The following SLC1A7 variants were observed in gnomAD, a reference collection of about 807,000 sequenced individuals.
SLC1A7 encodes the protein solute carrier family 1 member 7.
In SLC1A7, 40 loss-of-function variants were observed where a neutral mutation model predicts 47.7. That is an observed-to-expected ratio of 0.84 (90% confidence interval 0.65 to 1.09). SLC1A7 has a LOEUF of 1.09. SLC1A7 is among the 50% of genes least tolerant of loss of function. The pLI, the probability that SLC1A7 is intolerant of heterozygous loss-of-function variation, is 0.00. For synonymous variants in SLC1A7, 323 were observed against 325.6 expected (o/e 0.99, Z 0.09); for missense variants, 746 against 769.5 (o/e 0.97, Z 0.36).
chr1:53,141,977 T>A (rs1645062327), intron 1 of SLC1A7, among the ~76,000 whole-genome samples: 1 of 151,972 alleles, frequency 6.6e-6, no homozygotes. Context: ...CTTTAGGAGG[T>A]GTTCTCTGGT....
At chr1:53,136,656 A>C (rs1645002296) in intron 1 of SLC1A7, among the ~76,000 whole-genome samples, 1 of 49,756 alleles carries the variant, frequency 2.0e-5, no homozygotes. Context: ...TATATATTAT[A>C]TATATATATA....
At chr1:53,105,891 G>C (rs1644635542) in intron 3 of SLC1A7, 117 bp from the exon 4 acceptor site, 5 of 785,384 alleles carry the variant, frequency 6.4e-6, no homozygotes, top group Non-Finnish European at 8.9e-6. Flanking sequence ...CCTCAGGCCA[G>C]CCTCCTCTGC....
chr1:53,099,072 TCACA>T (rs1017108305), intron 5 of SLC1A7, among the ~76,000 whole-genome samples: 2 of 150,486 alleles, frequency 1.3e-5, no homozygotes, highest in East Asian at 2.0e-4. Flanking sequence ...CTCTGTACAC[TCACA>T]CACCCCGCCT....
chr1:53,137,890 G>T (rs1645017518), intron 1 of SLC1A7, among the ~76,000 whole-genome samples: 1 of 152,112 alleles, frequency 6.6e-6, no homozygotes, highest in East Asian at 1.9e-4. Context: ...TTGTCATTCT[G>T]GGACTTGTCC....
At chr1:53,096,563 C>T (rs1644493918) in intron 5 of SLC1A7, among the ~76,000 whole-genome samples, 1 of 150,154 alleles carries the variant, frequency 6.7e-6, no homozygotes, top group Admixed American at 6.6e-5. Flanking sequence ...CCTCAGTACA[C>T]TCACACACTC....
At chr1:53,112,562 G>A (rs1355940410) in intron 3 of SLC1A7, among the ~76,000 whole-genome samples, 4 of 152,244 alleles carry the variant, frequency 2.6e-5, no homozygotes. Context: ...CCACGGGGGA[G>A]GAAAGGAATG....
At chr1:53,129,728 C>T (rs968545197) in intron 2 of SLC1A7, among the ~76,000 whole-genome samples, 1 of 141,476 alleles carries the variant, frequency 7.1e-6, no homozygotes, top group Non-Finnish European at 1.6e-5. Context: ...TCAGCCCTCA[C>T]GTCCACCCTT....
chr1:53,128,240 C>T (rs1033313549), intron 2 of SLC1A7, among the ~76,000 whole-genome samples: 8 of 152,106 alleles, frequency 5.3e-5, no homozygotes, highest in Non-Finnish European at 1.2e-4. Context: ...TTTGAGAGGC[C>T]AAGGCAGGAG....
In SLC1A7 at chr1:53,103,579, A is replaced by T; in HGVS notation, c.475-11T>A. On this transcript the variant is annotated splice_polypyrimidine_tract_variant and intron_variant, in intron 4 of 10. Transcript: ENST00000371494. ...GGTCTTGGTGCGGTACTGGTGGGTG[A>T]CACCCCACCCAGAGAGAAGTCAGGG... 6.5e-7 allele frequency: 1 copy of T among 1,529,342 alleles called. No homozygotes were observed. The highest frequency in any genetic ancestry group is 8.9e-7 in the Non-Finnish European group (1 of 1,128,032). The allele number at this position is 1,529,342 out of a possible 1,614,324, so 94.7% of individuals were successfully genotyped here.
chr1:53,106,428 C>G (rs966895276), intron 3 of SLC1A7, among the ~76,000 whole-genome samples: 3 of 151,502 alleles, frequency 2.0e-5, no homozygotes, highest in Non-Finnish European at 4.4e-5. Flanking sequence ...CACGGTGAAA[C>G]CCCGTCTCTA....
At chr1:53,136,537 CAT>C (rs71044457) in intron 1 of SLC1A7, among the ~76,000 whole-genome samples, 9,829 of 104,018 alleles carry the variant, frequency 0.094, 763 homozygotes, top group Admixed American at 0.11. Context: ...TTTATATAAA[CAT>C]ATATATAATA....
intron 5 of SLC1A7, among the ~76,000 whole-genome samples, chr1:53,097,965 C>T (rs534767452): frequency 2.9e-4 from 44 of 149,358 alleles, no homozygotes; most frequent in Non-Finnish European, 5.8e-4. Flanking sequence ...CCTCGGTACA[C>T]TCACACACCA....
chr1:53,088,984 T>C lies in SLC1A7; in HGVS notation c.1362-5A>G, dbSNP rs1288206915. 1 of 1,613,172 alleles carries C rather than the reference T, an allele frequency of 6.2e-7. No homozygotes were observed. Among genetic ancestry groups the C allele is most frequent in the Non-Finnish European group, 8.5e-7 (1 of 1,179,268 alleles). On this transcript the variant is annotated splice_polypyrimidine_tract_variant and splice_region_variant and intron_variant, in intron 9 of 10. Transcript: ENST00000371494. ...ATCATGGTGCGGAAACGGTCCCTGG[T>C]GAGCCAAGGTTGGGGGTGAGTGGTG...
intron 1 of SLC1A7, among the ~76,000 whole-genome samples, chr1:53,140,637 A>G (rs1458726219): frequency 6.6e-6 from 1 of 152,212 alleles, no homozygotes; most frequent in Non-Finnish European, 1.5e-5. Context: ...TAACAGGTAC[A>G]TAAGGGAGGG....
chr1:53,127,037 A>AATTTTT, intron 2 of SLC1A7, among the ~76,000 whole-genome samples: 1 of 22,724 alleles, frequency 4.4e-5, no homozygotes, highest in Admixed American at 6.4e-4. Flanking sequence ...TAATTTTAAA[A>AATTTTT]GTTTTTTTTT....
At position 53,088,027 on chromosome 1, in the gene SLC1A7, C is replaced by A; in HGVS notation, c.1665G>T (p.Glu555Asp). The A allele has an allele frequency of 6.6e-7, 1 of 1,518,538 alleles. No homozygotes were observed. Among genetic ancestry groups the A allele is most frequent in the South Asian group, 1.3e-5 (1 of 74,374 alleles). The allele number at this position is 1,518,538 out of a possible 1,614,324, so 94.1% of individuals were successfully genotyped here. A position where few individuals can be genotyped will look rare whatever the true frequency, so the allele number is the denominator to read the frequency against. ...CGCAGGCTCAGACATTGGTCTCCAG[C>A]TCACTGATCTGGATGGTGCAGTGGT... ...SLNHCTIQIS[E>D]LETNV is the part of the protein sequence containing the mutation. Residue 555 changes from glutamate to aspartate, a missense_variant, in exon 11 of 11, where the codon GAG becomes GAT. Glu to Asp is a conservative substitution (Grantham distance 45). Transcript: ENST00000371494.
At chr1:53,104,695 A>T (rs1418720555) in intron 4 of SLC1A7, among the ~76,000 whole-genome samples, 4 of 152,204 alleles carry the variant, frequency 2.6e-5, no homozygotes, top group Non-Finnish European at 5.9e-5. Flanking sequence ...AAGCTTTCAC[A>T]GCTCCCTATT....
At chr1:53,138,314 T>C (rs1645020956) in intron 1 of SLC1A7, among the ~76,000 whole-genome samples, 1 of 152,210 alleles carries the variant, frequency 6.6e-6, no homozygotes, top group Admixed American at 6.5e-5. Flanking sequence ...TAAACAAAAT[T>C]GACAGTGCTA....
intron 3 of SLC1A7, among the ~76,000 whole-genome samples, chr1:53,113,437 C>T (rs17108022): frequency 0.11 from 16,862 of 152,162 alleles, 1,879 homozygotes; most frequent in East Asian, 0.44. Flanking sequence ...CCTGCACCTG[C>T]TCCAGACCAT....
Sources: allele counts gnomAD v4.1 joint callset (sites outside exome capture counted in the v4.1 genomes callset), GRCh38; gene constraint gnomAD v4.1.1; transcripts MANE v1.5; gene names NCBI Gene and HGNC (gene_info 2026-07-23, HGNC 2026-07-21).